Variants in OTUD4 observed in about 807,000 individuals in gnomAD.
OTUD4 encodes the protein OTU deubiquitinase 4.
OTUD4 carries 24 observed loss-of-function variants against 130.4 expected under a neutral mutation model. The observed-to-expected ratio is 0.18, with a 90% CI of 0.13 to 0.26. The LOEUF (loss-of-function observed/expected upper bound fraction) is 0.26, where lower values mean the gene tolerates loss of function less well. Among genes scored for constraint, OTUD4 ranks in the 10% least tolerant of loss-of-function variants. The pLI is 1.00. For synonymous variants in OTUD4, 420 were observed against 472.5 expected, an observed-to-expected ratio of 0.89 and a Z score of 1.44; for missense variants, 1,031 against 1,329.4, an observed-to-expected ratio of 0.78 and a Z score of 3.49.
chr4:145,155,802 C>T (rs2126770756), intron 8 of OTUD4, 116 bp from the exon 9 acceptor site: 3 of 981,994 alleles, frequency 3.1e-6, no homozygotes, highest in East Asian at 2.6e-5. Context: ...ATTAGGAAGC[C>T]ACCAAATCAA....
At chr4:145,177,270 T>C (rs1306548262) in intron 1 of OTUD4, among the ~76,000 whole-genome samples, 2 of 152,266 alleles carry the variant, frequency 1.3e-5, no homozygotes, top group Admixed American at 1.3e-4. Flanking sequence ...GTAAAGCTTA[T>C]TTTCAATCAA....
At chr4:145,144,270 G>T in intron 15 of OTUD4, 41 bp downstream of exon 15, 1 of 1,590,386 alleles carries the variant, frequency 6.3e-7, no homozygotes, top group South Asian at 1.2e-5. Flanking sequence ...GTCATCTAAA[G>T]AGATCTCTAG....
At chr4:145,170,459 G>C (rs1752101854) in intron 3 of OTUD4, among the ~76,000 whole-genome samples, 1 of 152,214 alleles carries the variant, frequency 6.6e-6, no homozygotes, top group South Asian at 2.1e-4. Context: ...AATCCATTCA[G>C]ACTTCAAATA....
intron 7 of OTUD4, among the ~76,000 whole-genome samples, chr4:145,158,715 G>C (rs1751416491): frequency 3.3e-5 from 5 of 152,044 alleles, no homozygotes; most frequent in Non-Finnish European, 7.4e-5. Context: ...TCTTATAAAA[G>C]ACAGAGTAAA....
chr4:145,152,071 CA>C (rs1458176177), intron 11 of OTUD4, among the ~76,000 whole-genome samples: 3 of 152,198 alleles, frequency 2.0e-5, no homozygotes, highest in Non-Finnish European at 2.9e-5. Flanking sequence ...TGACAATGTG[CA>C]AAATACTAAA....
rs371273542 is a variant in OTUD4, at chr4:145,180,327, C to T, written c.-354G>A. Among the ~76,000 whole-genome samples, 2 of 152,282 alleles carry T rather than the reference C, an allele frequency of 1.3e-5. No individual in the cohort carries two copies. The highest frequency in any genetic ancestry group is 2.1e-4 in the South Asian group (1 of 4,828). On this transcript the variant is annotated 5_prime_UTR_variant, in exon 1 of 21. Transcript: ENST00000447906. ...CGGGGGTCGCCGCCCCCACAAGTTTCCTCCTCCGTACCGGTGTGAAGCGAG... is the reference window on the plus strand; with the variant it reads ...CGGGGGTCGCCGCCCCCACAAGTTTTCTCCTCCGTACCGGTGTGAAGCGAG...
Position 145,150,548 on chromosome 4 carries a change from G to A in OTUD4, c.1224C>T (p.His408=). The A allele has an allele frequency of 1.9e-6, 3 of 1,610,392 alleles. No homozygotes were observed. The highest frequency in any genetic ancestry group is 1.7e-4 in the Middle Eastern group (1 of 6,050). ...GTGAAGGTGTCCGGCTAAGATTTTT[G>A]TGCTCACTGGAGAATTTCTGAGACT... ...GSQSQKFSSE[H]KNLSRTPSQI... The change falls in exon 13 of 21, where the codon CAC becomes CAT. Residue 408 remains histidine, a synonymous_variant. Coordinates refer to ENST00000447906, the MANE Select transcript of OTUD4 (RefSeq NM_001366057.1).
At chr4:145,140,924 G>A (rs1020676403) in intron 19 of OTUD4, among the ~76,000 whole-genome samples, 19 of 152,056 alleles carry the variant, frequency 1.2e-4, no homozygotes, top group African/African-American at 4.6e-4. Flanking sequence ...CCAGCACTTC[G>A]GGAGGCCAAG....
chr4:145,178,698 T>A (rs1752542686), intron 1 of OTUD4: 1 of 152,252 alleles, frequency 6.6e-6, no homozygotes, highest in South Asian at 2.1e-4. Context: ...AGAAAGATTT[T>A]ACGCTACCTA....
intron 17 of OTUD4, among the ~76,000 whole-genome samples, chr4:145,142,918 A>G (rs1750634103): frequency 6.6e-6 from 1 of 152,156 alleles, no homozygotes; most frequent in African/African-American, 2.4e-5. Context: ...GTAAATTGGT[A>G]TTTTTTTAAT....
intron 3 of OTUD4, among the ~76,000 whole-genome samples, chr4:145,168,774 T>TGA (rs1243311308): frequency 1.3e-5 from 2 of 152,336 alleles, no homozygotes; most frequent in African/African-American, 4.8e-5. Context: ...GTTTACCAGA[T>TGA]GACCAAGCAA....
At chr4:145,148,774 C>T (rs562323557) in intron 13 of OTUD4, among the ~76,000 whole-genome samples, 28 of 152,226 alleles carry the variant, frequency 1.8e-4, no homozygotes, top group Middle Eastern at 6.8e-3. Flanking sequence ...TTACTTTCTG[C>T]CTATAACCTT....
intron 1 of OTUD4, 80 bp downstream of exon 1, chr4:145,179,735 G>A: frequency 2.1e-6 from 3 of 1,444,778 alleles, no homozygotes; most frequent in Non-Finnish European, 2.7e-6. Context: ...GGCCCGGACA[G>A]CCCGCAGCTG....
intron 1 of OTUD4, among the ~76,000 whole-genome samples, chr4:145,175,699 G>A (rs528300826): frequency 2.4e-4 from 36 of 150,624 alleles, no homozygotes; most frequent in African/African-American, 7.3e-4. Flanking sequence ...CAACTACCAC[G>A]GCGCTTGGCT....
In OTUD4 at chr4:145,137,841, T is replaced by A; in HGVS notation, c.2934A>T (p.Glu978Asp). Residue 978 changes from glutamate to aspartate, a missense_variant, in exon 21 of 21, where the codon GAA becomes GAT. By Grantham distance (45) the Glu-to-Asp change is conservative. Coordinates refer to ENST00000447906, the MANE Select transcript of OTUD4 (RefSeq NM_001366057.1). ...LNRERETVPV[E>D]LEPKRTIQSL... ...TTTGAATGGTCCTTTTAGGTTCAAG[T>A]TCAACAGGCACAGTTTCTCTCTCTC... The A allele has an allele frequency of 6.2e-7, 1 of 1,614,156 alleles. No homozygotes were observed. Among genetic ancestry groups the A allele is most frequent in the Non-Finnish European group, 8.5e-7 (1 of 1,180,026 alleles).
At chr4:145,159,299 C>G (rs899685020) in intron 7 of OTUD4, 3 of 1,368,800 alleles carry the variant, frequency 2.2e-6, no homozygotes, top group Non-Finnish European at 2.8e-6. Flanking sequence ...CCAAAAACAC[C>G]AACTTTCAAA....
At chr4:145,142,792 C>T (rs750501333) in intron 17 of OTUD4, among the ~76,000 whole-genome samples, 1 of 152,248 alleles carries the variant, frequency 6.6e-6, no homozygotes, top group Non-Finnish European at 1.5e-5. Context: ...TAACTATATG[C>T]TTTCTTACCA....
intron 3 of OTUD4, 44 bp from the exon 4 acceptor site, chr4:145,165,241 T>G (rs368887021): frequency 1.6e-5 from 21 of 1,296,574 alleles, no homozygotes; most frequent in Non-Finnish European, 2.3e-5. Context: ...TCTCACACTT[T>G]TTAGATTCCA....
chr4:145,142,396 C>CT (rs1750608542), intron 17 of OTUD4, 62 bp from the exon 18 acceptor site: 57 of 1,455,180 alleles, frequency 3.9e-5, no homozygotes, highest in Non-Finnish European at 5.3e-5. Flanking sequence ...TGCTTTAACA[C>CT]TATTTCTAAC....
Sources: gnomAD v4.1 joint callset for allele counts (sites outside exome capture counted in the v4.1 genomes callset) on GRCh38, gnomAD v4.1.1 for gene constraint, MANE v1.5 for transcripts, NCBI Gene and HGNC (gene_info 2026-07-23, HGNC 2026-07-21) for gene names.